CNN2: variants seen among roughly 807,000 people sequenced by gnomAD.
The protein encoded by CNN2 is calponin 2.
CNN2 carries 21 observed loss-of-function variants against 31.0 expected under a neutral mutation model. The ratio of observed to expected loss-of-function variants is 0.68; its 90% CI spans 0.48 to 0.98. CNN2 has a LOEUF of 0.98. Among genes scored for constraint, CNN2 ranks in the 50% least tolerant of loss-of-function variants. The pLI, the probability that CNN2 is intolerant of heterozygous loss-of-function variation, is 0.00. For synonymous variants in CNN2, 165 were observed against 179.6 expected, an observed-to-expected ratio of 0.92 and a Z score of 0.65; for missense variants, 399 against 427.3, an observed-to-expected ratio of 0.93 and a Z score of 0.58.
In CNN2 at chr19:1,037,901, G is replaced by T. The variant is rs2039622905; in HGVS notation, c.*1G>T. 1 of 1,572,500 alleles carries T rather than the reference G, an allele frequency of 6.4e-7. No individual in the cohort carries two copies. The highest frequency in any genetic ancestry group is 1.4e-5 in the African/African-American group (1 of 73,714). ...CTACCAGGAGGAGGCCGGCTACTGA[G>T]GCTCCCAGCACGCTCTCTCCCCACA... On this transcript the variant is annotated 3_prime_UTR_variant, in exon 7 of 7. Coordinates refer to ENST00000263097, the MANE Select transcript of CNN2 (RefSeq NM_004368.4).
Position 1,038,006 on chromosome 19 carries a change from G to A in CNN2, c.*106G>A, listed in dbSNP as rs1689982893. The A allele has an allele frequency of 8.7e-7, 1 of 1,147,206 alleles. No homozygotes were observed. The allele number at this position is 1,147,206 out of a possible 1,614,324, so 71.1% of individuals were successfully genotyped here. A position where few individuals can be genotyped will look rare whatever the true frequency, so the allele number is the denominator to read the frequency against. On this transcript the variant is annotated 3_prime_UTR_variant, in exon 7 of 7. Transcript: ENST00000263097. Reference sequence around the variant, plus strand: ...TTTCTTAACCCGTTCAGTGCTGCCAGTCAACCAAGGGTCTGTGAGTGTCAG... The same window carrying A: ...TTTCTTAACCCGTTCAGTGCTGCCAATCAACCAAGGGTCTGTGAGTGTCAG...
chr19:1,029,162 G>GAGATGAGGAAGCGGA (rs1568417116), intron 1 of CNN2, among the ~76,000 whole-genome samples: 4 of 112,038 alleles, frequency 3.6e-5, no homozygotes, highest in African/African-American at 9.4e-5. Flanking sequence ...ATCCCAGGCA[G>GAGATGAGGAAGCGGA]GTCCAGCTCA....
At chr19:1,030,571 A>G (rs559607002) in intron 1 of CNN2, among the ~76,000 whole-genome samples, 532 of 152,238 alleles carry the variant, frequency 3.5e-3, no homozygotes, top group Admixed American at 5.2e-3. Flanking sequence ...GCTTGCAGTG[A>G]GCCGAGATCG....
At position 1,037,915 on chromosome 19, in the gene CNN2, T is replaced by G. The variant is rs1174567516; in HGVS notation, c.*15T>G. On this transcript the variant is annotated 3_prime_UTR_variant, in exon 7 of 7. Transcript: ENST00000263097. Reference sequence around the variant, plus strand: ...CCGGCTACTGAGGCTCCCAGCACGCTCTCTCCCCACATCGTCTGCCCATCT... The same window carrying G: ...CCGGCTACTGAGGCTCCCAGCACGCGCTCTCCCCACATCGTCTGCCCATCT... 5 of 1,547,446 alleles carry G rather than the reference T, an allele frequency of 3.2e-6. No homozygotes were observed. Among genetic ancestry groups the G allele is most frequent in the Non-Finnish European group, 4.4e-6 (5 of 1,146,644 alleles).
At chr19:1,030,345 G>C (rs1427571702) in intron 1 of CNN2, among the ~76,000 whole-genome samples, 1 of 152,196 alleles carries the variant, frequency 6.6e-6, no homozygotes, top group Non-Finnish European at 1.5e-5. Flanking sequence ...GCAGGATGGG[G>C]GCCGGGCGCG....
At chr19:1,030,988 C>T (rs1040500639) in intron 1 of CNN2, 83 bp from the exon 2 acceptor site, 2 of 1,499,734 alleles carry the variant, frequency 1.3e-6, no homozygotes, top group African/African-American at 2.8e-5. Context: ...GAGTCCCCGG[C>T]CCCACCCTCT....
At chr19:1,032,762 T>G in intron 4 of CNN2, 66 bp downstream of exon 4, 1 of 1,262,946 alleles carries the variant, frequency 7.9e-7, no homozygotes, top group South Asian at 1.3e-5. Context: ...AGCTGCTGCA[T>G]TCACTCGTTT....
Position 1,031,183 on chromosome 19 carries a change from T to C in CNN2, c.176T>C (p.Ile59Thr), listed in dbSNP as rs1568171088. ...CAGAAGGGCCTGAAGGATGGAACTATCTTATGCACGTGAGTACACGCAGGG... is the reference window on the plus strand; with the variant it reads ...CAGAAGGGCCTGAAGGATGGAACTACCTTATGCACGTGAGTACACGCAGGG... ...DFQKGLKDGT[I>T]LCTLMNKLQP... The change falls in exon 2 of 7, where the codon ATC becomes ACC. Residue 59 changes from isoleucine to threonine, a missense_variant. Coordinates refer to ENST00000263097, the MANE Select transcript of CNN2 (RefSeq NM_004368.4). 1 of 1,611,360 alleles carries C rather than the reference T, an allele frequency of 6.2e-7. No individual in the cohort carries two copies. Among genetic ancestry groups the C allele is most frequent in the Non-Finnish European group, 8.5e-7 (1 of 1,178,418 alleles).
At chr19:1,027,793 G>A (rs533679718) in intron 1 of CNN2, among the ~76,000 whole-genome samples, 1 of 152,138 alleles carries the variant, frequency 6.6e-6, no homozygotes, top group African/African-American at 2.4e-5. Context: ...ACTTCTGCAG[G>A]GGAAACTGCC....
At chr19:1,036,313 G>A in intron 5 of CNN2, 67 bp downstream of exon 5, 3 of 1,571,130 alleles carry the variant, frequency 1.9e-6, no homozygotes, top group Non-Finnish European at 2.6e-6. Flanking sequence ...GGGGACAGCA[G>A]CATTGGGGGA....
intron 3 of CNN2, 37 bp from the exon 4 acceptor site, chr19:1,032,520 CTG>C: frequency 1.2e-6 from 2 of 1,613,480 alleles, no homozygotes; most frequent in Non-Finnish European, 8.5e-7. Flanking sequence ...GGTGGGGAGA[CTG>C]AGGCCCACTC....
intron 1 of CNN2, chr19:1,027,096 C>CT (rs2039411365): frequency 1.0e-5 from 2 of 200,504 alleles, no homozygotes; most frequent in Non-Finnish European, 1.0e-5. Flanking sequence ...CTCTGGGGGT[C>CT]TGGGGGGGAC....
rs1568178141 is a variant in CNN2, at chr19:1,036,239, G to C, written c.500G>C (p.Gly167Ala). 6.3e-7 allele frequency: 1 copy of C among 1,586,716 alleles called. No individual in the cohort carries two copies. The highest frequency in any genetic ancestry group is 8.6e-7 in the Non-Finnish European group (1 of 1,164,654). The change falls in exon 5 of 7, where the codon GGG becomes GCG. Residue 167 changes from glycine (G) to alanine (A), a missense_variant. Transcript: ENST00000263097. ...ATMKAGQCVIGLQMGTNKCAS... is the reference protein window; with the variant it reads ...ATMKAGQCVIALQMGTNKCAS... ...ATGAAGGCTGGCCAGTGCGTCATCG[G>C]GCTGCAGGTGGGCGACAGCTCCCCC...
intron 5 of CNN2, 23 bp from the exon 6 acceptor site, chr19:1,036,393 C>T (rs1363553925): frequency 1.2e-6 from 2 of 1,611,160 alleles, no homozygotes; most frequent in African/African-American, 2.7e-5. Context: ...GCAGTCTGAC[C>T]TCTCCCACGA....
intron 4 of CNN2, among the ~76,000 whole-genome samples, chr19:1,033,242 G>A (rs575513546): frequency 1.3e-5 from 2 of 152,124 alleles, no homozygotes; most frequent in Admixed American, 1.3e-4. Flanking sequence ...CTCTGGCCGG[G>A]CGCAGTGGCT....
chr19:1,031,005 C>T, intron 1 of CNN2, 66 bp from the exon 2 acceptor site: 3 of 1,552,914 alleles, frequency 1.9e-6, no homozygotes, highest in South Asian at 2.3e-5. Context: ...CTCTGCAGAG[C>T]TTCTGTGGGG....
At chr19:1,026,925 C>T (rs2039406195) in intron 1 of CNN2, 1 of 545,680 alleles carries the variant, frequency 1.8e-6, no homozygotes, top group Non-Finnish European at 3.2e-6. Flanking sequence ...TGGGGAGCAC[C>T]CAGGTCTGAG....
chr19:1,026,642 C>T lies in CNN2; in HGVS notation c.-20C>T. On this transcript the variant is annotated 5_prime_UTR_variant, in exon 1 of 7. Transcript: ENST00000263097. ...CCGTCCCGTCCTGTGCGGCCCCGTC[C>T]CGCCGCCCGCCCGCCAGCCATGAGC... 2.0e-6 allele frequency: 3 copies of T among 1,534,284 alleles called. No individual in the cohort carries two copies. Among genetic ancestry groups the T allele is most frequent in the Non-Finnish European group, 2.6e-6 (3 of 1,140,928 alleles).
At chr19:1,030,062 T>C (rs990857701) in intron 1 of CNN2, among the ~76,000 whole-genome samples, 2 of 152,102 alleles carry the variant, frequency 1.3e-5, no homozygotes, top group African/African-American at 2.4e-5. Flanking sequence ...CCTGCCCCCA[T>C]GCTTATGGCC....
Sources: gnomAD v4.1 joint callset for allele counts (sites outside exome capture counted in the v4.1 genomes callset) on GRCh38, gnomAD v4.1.1 for gene constraint, MANE v1.5 for transcripts, NCBI Gene and HGNC (gene_info 2026-07-23, HGNC 2026-07-21) for gene names.